Variants in MCOLN1 observed in about 807,000 individuals in gnomAD.
MCOLN1 encodes the protein mucolipin TRP cation channel 1.
In MCOLN1, 50 loss-of-function variants were observed where a neutral mutation model predicts 70.3. The observed-to-expected ratio is 0.71, with a 90% CI of 0.57 to 0.90. The LOEUF (loss-of-function observed/expected upper bound fraction) is 0.90. Ranked by LOEUF, MCOLN1 falls within the 40% of genes least tolerant of loss-of-function variation. The pLI is 0.00. For missense variants in MCOLN1, 598 were observed against 803.5 expected (o/e 0.74, Z 3.09); for synonymous variants, 366 against 341.0 (o/e 1.07, Z -0.81).
chr19:7,524,975 C>T lies in MCOLN1; in HGVS notation c.46C>T (p.Leu16=), dbSNP rs1342326873. The change falls in exon 2 of 14, where the codon CTG becomes TTG. Residue 16 remains leucine (L), a synonymous_variant. Coordinates refer to ENST00000264079, the MANE Select transcript of MCOLN1 (RefSeq NM_020533.3). The surrounding 1 kb of genome is among the most constrained non-coding windows in gnomAD (Gnocchi z 4.1). Reference sequence around the variant, plus strand: ...TATTCCCACAGAGACCGAGCGGCTTCTGACCCCCAACCCCGGGTATGGGAC... The same window carrying T: ...TATTCCCACAGAGACCGAGCGGCTTTTGACCCCCAACCCCGGGTATGGGAC... ...GPRGSETERL[L]TPNPGYGTQA... is the part of the protein sequence containing the mutation. 6.2e-7 allele frequency: 1 copy of T among 1,613,772 alleles called. No homozygotes were observed. The highest frequency in any genetic ancestry group is 2.2e-5 in the East Asian group (1 of 44,890).
chr19:7,526,200 G>A lies in MCOLN1; in HGVS notation c.238-239G>A, dbSNP rs764723522. ...GATGAGTCCCCACCCTGTGTTGTAC[G>A]GGGGAGGACACAGTGGTGGGCGTGG... On this transcript the variant is annotated intron_variant, in intron 2 of 13. Transcript: ENST00000264079. This position sits in a 1 kb window ranked among gnomAD's most constrained non-coding sequence, Gnocchi z 4.6. 102 of 594,018 alleles carry A rather than the reference G, an allele frequency of 1.7e-4. 2 individuals carry two copies. In the South Asian group the frequency reaches 1.9e-3, roughly 11 times the overall value. The allele number at this position is 594,018 out of a possible 1,614,324, so 36.8% of individuals were successfully genotyped here. A position where few individuals can be genotyped will look rare whatever the true frequency, so the allele number is the denominator to read the frequency against.
Position 7,528,601 on chromosome 19 carries a change from C to T in MCOLN1, c.882C>T (p.Asp294=), listed in dbSNP as rs886043054. 1.2e-6 allele frequency: 2 copies of T among 1,614,214 alleles called. No homozygotes were observed. The highest frequency in any genetic ancestry group is 8.5e-7 in the Non-Finnish European group (1 of 1,180,036). Residue 294 remains aspartate (D), a synonymous_variant, in exon 8 of 14, where the codon GAC becomes GAT. Coordinates refer to ENST00000264079, the MANE Select transcript of MCOLN1 (RefSeq NM_020533.3). This position sits in a 1 kb window ranked among gnomAD's most constrained non-coding sequence, Gnocchi z 4.2. ...CCCGCTCTGCCCTCCCCGCAGGAGA[C>T]AACAGCTTCCGGCTCCTGTTTGACG... ...CKHPSVFQHG[D]NSFRLLFDVV...
At position 7,528,972 on chromosome 19, in the gene MCOLN1, T is replaced by C. The variant is rs1555742162; in HGVS notation, c.1134+2T>C. On this transcript the variant is annotated splice_donor_variant, in intron 9 of 13. Transcript: ENST00000264079. LOFTEE classifies it high-confidence loss of function. The surrounding 1 kb of genome is among the most constrained non-coding windows in gnomAD (Gnocchi z 4.2). ...ATGAAGATCGGCATCGAGGCCAAGG[T>C]GCGTCCTGCCAACACCCTGGGCCCC... 6.2e-7 allele frequency: 1 copy of C among 1,614,084 alleles called. No homozygotes were observed. The highest frequency in any genetic ancestry group is 8.5e-7 in the Non-Finnish European group (1 of 1,180,008).
Position 7,526,324 on chromosome 19 carries a change from C to A in MCOLN1, c.238-115C>A. ...GGCCCAAGTTAGCAGGGCCCTGCCC[C>A]ACCCCAGTGGACATCTGCAGGGCCC... is the stretch of plus-strand genomic sequence containing the variant. On this transcript the variant is annotated intron_variant, in intron 2 of 13. Coordinates refer to ENST00000264079, the MANE Select transcript of MCOLN1 (RefSeq NM_020533.3). The surrounding 1 kb of genome is among the most constrained non-coding windows in gnomAD (Gnocchi z 4.6). The A allele has an allele frequency of 8.1e-7, 1 of 1,241,354 alleles. No homozygotes were observed. Among genetic ancestry groups the A allele is most frequent in the Admixed American group, 1.7e-5 (1 of 59,330 alleles). The allele number at this position is 1,241,354 out of a possible 1,614,324, so 76.9% of individuals were successfully genotyped here. A position where few individuals can be genotyped will look rare whatever the true frequency, so the allele number is the denominator to read the frequency against.
chr19:7,528,196 C>T lies in MCOLN1; in HGVS notation c.816C>T (p.Pro272=). Residue 272 remains proline (P), a synonymous_variant, in exon 7 of 14, where the codon CCC becomes CCT. Coordinates refer to ENST00000264079, the MANE Select transcript of MCOLN1 (RefSeq NM_020533.3). The surrounding 1 kb of genome is among the most constrained non-coding windows in gnomAD (Gnocchi z 4.2). ...FDNKAHSGRI[P]ISLETQAHIQ... ...ACAAAGCACACAGTGGGCGGATCCC[C>T]ATCAGCCTGGAGACCCAGGCCCACA... 6.2e-7 allele frequency: 1 copy of T among 1,614,134 alleles called. No homozygotes were observed. The highest frequency in any genetic ancestry group is 8.5e-7 in the Non-Finnish European group (1 of 1,179,988).
At chr19:7,527,496 C>T (rs554374729) in intron 4 of MCOLN1, 24 bp from the exon 5 acceptor site, 1 of 1,080,904 alleles carries the variant, frequency 9.3e-7, no homozygotes, top group Admixed American at 1.7e-5. Context: ...CCCCTGAGGC[C>T]CTTCCCTGAC....
intron 12 of MCOLN1, 110 bp from the exon 13 acceptor site, chr19:7,533,413 G>A: frequency 6.8e-7 from 1 of 1,468,366 alleles, no homozygotes; most frequent in Non-Finnish European, 9.3e-7. Flanking sequence ...CAAGTGCAAA[G>A]GCCCGGAGGT....
In MCOLN1 at chr19:7,528,342, G is replaced by A. The variant is rs2022603052; in HGVS notation, c.877+85G>A. The A allele has an allele frequency of 1.5e-6, 2 of 1,358,044 alleles. No homozygotes were observed. Among genetic ancestry groups the A allele is most frequent in the Admixed American group, 3.6e-5 (2 of 55,458 alleles). The allele number at this position is 1,358,044 out of a possible 1,614,324, so 84.1% of individuals were successfully genotyped here. On this transcript the variant is annotated intron_variant, in intron 7 of 13. Transcript: ENST00000264079. The surrounding 1 kb of genome is among the most constrained non-coding windows in gnomAD (Gnocchi z 4.2). Reference sequence around the variant, plus strand: ...CCAAGCCCCAGATCAGCGCTGCCTGGGGGCCGTGACCTCCCCAGGAATCCG... The same window carrying A: ...CCAAGCCCCAGATCAGCGCTGCCTGAGGGCCGTGACCTCCCCAGGAATCCG...
intron 11 of MCOLN1, among the ~76,000 whole-genome samples, chr19:7,530,078 G>A (rs1253587174): frequency 6.7e-6 from 1 of 149,876 alleles, no homozygotes; most frequent in Non-Finnish European, 1.5e-5. Context: ...GGCCATTCAC[G>A]TGGGACCCCA....
chr19:7,529,508 C>CCCCA, intron 10 of MCOLN1, 82 bp from the exon 11 acceptor site: 2 of 777,988 alleles, frequency 2.6e-6, no homozygotes, highest in Non-Finnish European at 4.3e-6. Flanking sequence ...AAGGCCCCGC[C>CCCCA]CCTCCCACCC....
chr19:7,522,691 G>A lies in MCOLN1; in HGVS notation c.-60G>A. 1.4e-6 allele frequency: 2 copies of A among 1,429,806 alleles called. No homozygotes were observed. Among genetic ancestry groups the A allele is most frequent in the Non-Finnish European group, 1.8e-6 (2 of 1,092,246 alleles). The allele number at this position is 1,429,806 out of a possible 1,614,324, so 88.6% of individuals were successfully genotyped here. On this transcript the variant is annotated 5_prime_UTR_variant, in exon 1 of 14. Transcript: ENST00000264079. Reference sequence around the variant, plus strand: ...GGAGCGAGGTCGCAGTGACAGCGGCGGGCGATCGGACCCAGGCTGCCCCGC... The same window carrying A: ...GGAGCGAGGTCGCAGTGACAGCGGCAGGCGATCGGACCCAGGCTGCCCCGC...
Position 7,528,197 on chromosome 19 carries a change from A to G in MCOLN1, c.817A>G (p.Ile273Val). The stretch of plus-strand genomic sequence containing the variant: ...CAAAGCACACAGTGGGCGGATCCCC[A>G]TCAGCCTGGAGACCCAGGCCCACAT... The part of the protein sequence containing the change: ...DNKAHSGRIP[I>V]SLETQAHIQE... Residue 273 changes from isoleucine (I) to valine (V), a missense_variant, in exon 7 of 14, where the codon ATC becomes GTC. By Grantham distance (29) the Ile-to-Val change is conservative. Around this residue, in one of 3 missense-constraint regions of MCOLN1, gnomAD observed 461 missense variants for 588.4 expected, o/e 0.78. Transcript: ENST00000264079. This position sits in a 1 kb window ranked among gnomAD's most constrained non-coding sequence, Gnocchi z 4.2. 1 of 1,614,082 alleles carries G rather than the reference A, an allele frequency of 6.2e-7. No homozygotes were observed. The highest frequency in any genetic ancestry group is 1.1e-5 in the South Asian group (1 of 91,082).
Position 7,527,729 on chromosome 19 carries a change from C to A in MCOLN1, c.680+101C>A, listed in dbSNP as rs754653356. The A allele has an allele frequency of 4.6e-6, 5 of 1,085,016 alleles. No homozygotes were observed. In the South Asian group the frequency reaches 6.2e-5, roughly 13 times the overall value. The allele number at this position is 1,085,016 out of a possible 1,614,324, so 67.2% of individuals were successfully genotyped here. A position where few individuals can be genotyped will look rare whatever the true frequency, so the allele number is the denominator to read the frequency against. ...TCCCTAAGGTGGGGACAGGGCCCCC[C>A]CGCCCGCGCTGGTGCCTGCTGGGTG... On this transcript the variant is annotated intron_variant, in intron 5 of 13. Coordinates refer to ENST00000264079, the MANE Select transcript of MCOLN1 (RefSeq NM_020533.3).
chr19:7,522,838 C>T, intron 1 of MCOLN1, 57 bp downstream of exon 1: 2 of 1,293,274 alleles, frequency 1.5e-6, no homozygotes, highest in Non-Finnish European at 2.0e-6. Context: ...GCTGTGTCTC[C>T]CACCTGGGGC....
rs2022533772 is a variant in MCOLN1 at position 7,524,085 on chromosome 19, A to G, written c.32-876A>G. Among the ~76,000 whole-genome samples, 1 of 152,066 alleles carries G rather than the reference A, an allele frequency of 6.6e-6. No homozygotes were observed. Among genetic ancestry groups the G allele is most frequent in the East Asian group, 1.9e-4 (1 of 5,162 alleles). Reference sequence around the variant, plus strand: ...GGTCTCGCTGTATTACCTAGGCTGGATCCTCCCACCTTGGCCTCCCAAAGC... The same window carrying G: ...GGTCTCGCTGTATTACCTAGGCTGGGTCCTCCCACCTTGGCCTCCCAAAGC... On this transcript the variant is annotated intron_variant, in intron 1 of 13. Transcript: ENST00000264079. This position sits in a 1 kb window ranked among gnomAD's most constrained non-coding sequence, Gnocchi z 4.1.
rs145706318 is a variant in MCOLN1 at position 7,527,537 on chromosome 19, C to T, written c.589C>T (p.Pro197Ser). Reference sequence around the variant, plus strand: ...GTCCTTAGACTGCATCCAGGTGGATCCCCCCGAGCGGCCCCCTCCGCCCCC... The same window carrying T: ...GTCCTTAGACTGCATCCAGGTGGATTCCCCCGAGCGGCCCCCTCCGCCCCC... Reference protein sequence around the residue: ...MVVTDCIQVDPPERPPPPPSD... With the variant: ...MVVTDCIQVDSPERPPPPPSD... The change falls in exon 5 of 14, where the codon CCC becomes TCC. Residue 197 changes from proline (P) to serine (S), a missense_variant. Physicochemically the swap from Pro to Ser is moderately conservative, Grantham distance 74 (BLOSUM62 -1). Transcript: ENST00000264079. 5.8e-4 allele frequency: 883 copies of T among 1,535,560 alleles called. 2 individuals are homozygous for T. The highest frequency in any genetic ancestry group is 7.3e-4 in the Non-Finnish European group (806 of 1,108,210).
chr19:7,528,352 C>A lies in MCOLN1; in HGVS notation c.877+95C>A. ...GATCAGCGCTGCCTGGGGGCCGTGA[C>A]CTCCCCAGGAATCCGCTGAGCCTCA... On this transcript the variant is annotated intron_variant, in intron 7 of 13. Coordinates refer to ENST00000264079, the MANE Select transcript of MCOLN1 (RefSeq NM_020533.3). The surrounding 1 kb of genome is among the most constrained non-coding windows in gnomAD (Gnocchi z 4.2). 3 of 1,232,136 alleles carry A rather than the reference C, an allele frequency of 2.4e-6. No individual in the cohort carries two copies. The highest frequency in any genetic ancestry group is 2.4e-6 in the Non-Finnish European group (2 of 847,222). 76.3% of individuals were successfully genotyped at this position (1,232,136 alleles called of 1,614,324 possible). A position where few individuals can be genotyped will look rare whatever the true frequency, so the allele number is the denominator to read the frequency against.
rs1230119281 is a variant in MCOLN1 at position 7,528,664 on chromosome 19, C to T, written c.945C>T (p.Leu315=). The change falls in exon 8 of 14, where the codon CTC becomes CTT. Residue 315 remains leucine (L), a synonymous_variant. Transcript: ENST00000264079. The surrounding 1 kb of genome is among the most constrained non-coding windows in gnomAD (Gnocchi z 4.2). ...TCACCTGCTCCCTGTCCTTCCTCCT[C>T]TGCGCCCGCTCACTCCTTCGAGGCT... is the stretch of plus-strand genomic sequence containing the variant. ...VILTCSLSFL[L]CARSLLRGFL... is the part of the protein sequence containing the mutation. The T allele has an allele frequency of 1.9e-6, 3 of 1,614,252 alleles. No individual in the cohort carries two copies. In the Admixed American group the frequency reaches 5.0e-5, roughly 27 times the overall value.
At chr19:7,530,889 C>T (rs568712981) in intron 12 of MCOLN1, among the ~76,000 whole-genome samples, 34 of 151,972 alleles carry the variant, frequency 2.2e-4, no homozygotes, top group African/African-American at 4.6e-4. Context: ...TACAGGCACA[C>T]GCCACCACGT....
Sources: gnomAD v4.1 joint callset for allele counts (sites outside exome capture counted in the v4.1 genomes callset) on GRCh38, gnomAD v4.1.1 for gene constraint, gnomAD v4.1.1 regional missense constraint, Gnocchi (gnomAD v3.1) non-coding constraint, MANE v1.5 for transcripts, NCBI Gene and HGNC (gene_info 2026-07-23, HGNC 2026-07-21) for gene names.